The following DYNC1I1 variants were observed in gnomAD, a reference collection of about 807,000 sequenced individuals.
DYNC1I1 encodes dynein cytoplasmic 1 intermediate chain 1, also known as cytoplasmic dynein 1 intermediate chain 1.
Under a neutral mutation model 86.6 loss-of-function variants are expected in DYNC1I1, and 43 were observed. That is an observed-to-expected ratio of 0.50 (90% CI 0.39 to 0.64). The LOEUF (loss-of-function observed/expected upper bound fraction) is 0.64. DYNC1I1 is among the 30% of genes least tolerant of loss of function. The pLI is 0.00. For missense variants in DYNC1I1, 604 were observed against 788.8 expected (o/e 0.77, Z 2.81); for synonymous variants, 262 against 283.7 (o/e 0.92, Z 0.77).
At chr7:95,935,137 C>G (rs979002757) in intron 6 of DYNC1I1, among the ~76,000 whole-genome samples, 1 of 151,804 alleles carries the variant, frequency 6.6e-6, no homozygotes, top group African/African-American at 2.4e-5. Flanking sequence ...CCCATTTTCC[C>G]CTCCCCCTCA....
rs138568589 is a variant in DYNC1I1 at position 95,911,152 on chromosome 7, T to C, written c.490+41154T>C. Among the ~76,000 whole-genome samples the C allele has an allele frequency of 1.8e-4, 27 of 152,262 alleles. No individual in the cohort carries two copies. In the East Asian group the frequency reaches 3.5e-3, roughly 20 times the overall value. On this transcript the variant is annotated intron_variant, in intron 6 of 16. Transcript: ENST00000447467. ...TGTTTCCAGACACAGTATAAAAAAATAGACCAACAAGGCTTGATAATCCAC... is the reference window on the plus strand; with the variant it reads ...TGTTTCCAGACACAGTATAAAAAAACAGACCAACAAGGCTTGATAATCCAC...
At chr7:96,048,378 A>G (rs1789284462) in intron 14 of DYNC1I1, among the ~76,000 whole-genome samples, 1 of 152,164 alleles carries the variant, frequency 6.6e-6, no homozygotes, top group South Asian at 2.1e-4. Context: ...CAGGTTTGGG[A>G]GATGCACCAC....
At chr7:95,839,954 G>T (rs1289688319) in intron 5 of DYNC1I1, among the ~76,000 whole-genome samples, 2 of 152,032 alleles carry the variant, frequency 1.3e-5, no homozygotes, top group African/African-American at 4.8e-5. Context: ...TCTTATGAGG[G>T]TTCTCAGGTA....
At chr7:95,808,186 T>C (rs1794746030) in intron 2 of DYNC1I1, among the ~76,000 whole-genome samples, 1 of 152,170 alleles carries the variant, frequency 6.6e-6, no homozygotes, top group African/African-American at 2.4e-5. Context: ...TTTGTGTTGT[T>C]TATAGAGAAT....
intron 1 of DYNC1I1, among the ~76,000 whole-genome samples, chr7:95,780,427 C>T (rs1332069886): frequency 7.4e-6 from 1 of 136,032 alleles, no homozygotes; most frequent in Non-Finnish European, 1.6e-5. Context: ...ACCACCACAC[C>T]CGGCTAATTT....
At chr7:96,009,313 G>GCC (rs1024783050) in intron 10 of DYNC1I1, among the ~76,000 whole-genome samples, 3 of 152,156 alleles carry the variant, frequency 2.0e-5, no homozygotes, top group African/African-American at 7.2e-5. Context: ...AAGCCCCAAG[G>GCC]CCTTGCCCTC....
At position 96,013,261 on chromosome 7, in the gene DYNC1I1, G is replaced by T. The variant is rs77926329; in HGVS notation, c.970-14914G>T. On this transcript the variant is annotated intron_variant, in intron 10 of 16. Transcript: ENST00000447467. The stretch of plus-strand genomic sequence containing the variant: ...CCCTTGCTGGCTTTGAGGGTGAAAG[G>T]TGGCATGATGCAAGAAATGAGGGTG... 5.0e-3 allele frequency among the ~76,000 whole-genome samples: 754 copies of T among 152,252 alleles called. 3 individuals are homozygous for T. Among genetic ancestry groups the T allele is most frequent in the African/African-American group, 0.017 (707 of 41,536 alleles).
At chr7:95,799,604 T>C (rs1794529319) in intron 1 of DYNC1I1, among the ~76,000 whole-genome samples, 1 of 152,108 alleles carries the variant, frequency 6.6e-6, no homozygotes, top group Non-Finnish European at 1.5e-5. Context: ...TTTTTTTTAC[T>C]GTTGAGTTAA....
intron 6 of DYNC1I1, among the ~76,000 whole-genome samples, chr7:95,872,812 G>A (rs1790207049): frequency 6.6e-6 from 1 of 152,126 alleles, no homozygotes; most frequent in African/African-American, 2.4e-5. Context: ...AGCAAGAAAG[G>A]AAAACGAAAT....
intron 2 of DYNC1I1, among the ~76,000 whole-genome samples, chr7:95,806,393 G>A (rs973214942): frequency 9.2e-5 from 14 of 152,140 alleles, no homozygotes; most frequent in Non-Finnish European, 1.8e-4. Flanking sequence ...TAGACTGATG[G>A]AAGCAGTCTC....
At chr7:96,016,610 G>A (rs144299416) in intron 10 of DYNC1I1, among the ~76,000 whole-genome samples, 432 of 152,046 alleles carry the variant, frequency 2.8e-3, no homozygotes, top group African/African-American at 9.5e-3. Context: ...TTATTTTTTT[G>A]TATTGTGCTG....
chr7:95,905,565 CA>C (rs1169845466), intron 6 of DYNC1I1, among the ~76,000 whole-genome samples: 6 of 152,166 alleles, frequency 3.9e-5, no homozygotes, highest in Non-Finnish European at 7.4e-5. Context: ...ACCTATGTCT[CA>C]AACTCACGTG....
chr7:96,037,531 C>A (rs746262781), intron 13 of DYNC1I1, among the ~76,000 whole-genome samples: 8 of 152,112 alleles, frequency 5.3e-5, no homozygotes, highest in African/African-American at 1.4e-4. Context: ...TATCTATATG[C>A]GTATTAGAAT....
At chr7:95,909,885 G>A (rs1791283544) in intron 6 of DYNC1I1, among the ~76,000 whole-genome samples, 1 of 152,064 alleles carries the variant, frequency 6.6e-6, no homozygotes, top group African/African-American at 2.4e-5. Flanking sequence ...TACCTGGACT[G>A]AGCCTCGTTC....
intron 16 of DYNC1I1, among the ~76,000 whole-genome samples, chr7:96,108,860 CAAAA>C (rs201915898): frequency 2.5e-5 from 2 of 79,570 alleles, no homozygotes; most frequent in African/African-American, 4.7e-5. Flanking sequence ...GACTCTGTCT[CAAAA>C]AAAAAAAAAA....
chr7:95,907,594 C>T (rs1021368584), intron 6 of DYNC1I1, among the ~76,000 whole-genome samples: 1 of 152,118 alleles, frequency 6.6e-6, no homozygotes, highest in African/African-American at 2.4e-5. Flanking sequence ...GCCCCAACCC[C>T]ACCCATTCCA....
intron 6 of DYNC1I1, among the ~76,000 whole-genome samples, chr7:95,944,799 C>T (rs1222109587): frequency 6.8e-6 from 1 of 146,730 alleles, no homozygotes; most frequent in African/African-American, 2.5e-5. Flanking sequence ...CGCATATTCT[C>T]ACTCATAGGT....
At chr7:95,906,354 A>C (rs986589355) in intron 6 of DYNC1I1, among the ~76,000 whole-genome samples, 1 of 152,208 alleles carries the variant, frequency 6.6e-6, no homozygotes, top group Admixed American at 6.5e-5. Flanking sequence ...GATATTCGTA[A>C]AAAGTAAATG....
chr7:95,816,084 T>A (rs866787157), intron 4 of DYNC1I1, among the ~76,000 whole-genome samples: 3 of 152,002 alleles, frequency 2.0e-5, no homozygotes, highest in Admixed American at 6.6e-5. Context: ...GTGGTGCAAT[T>A]ATAGCTCACT....
Sources: gnomAD v4.1 joint callset for allele counts (sites outside exome capture counted in the v4.1 genomes callset) on GRCh38, gnomAD v4.1.1 for gene constraint, MANE v1.5 for transcripts, NCBI Gene and HGNC (gene_info 2026-07-23, HGNC 2026-07-21) for gene names.